The following HPGD variants were observed in gnomAD, a reference collection of about 807,000 sequenced individuals.
HPGD encodes 15-hydroxyprostaglandin dehydrogenase [NAD(+)].
HPGD carries 29 observed loss-of-function variants against 30.0 expected under a neutral mutation model. That is an observed-to-expected ratio of 0.97 (90% CI 0.72 to 1.32). The LOEUF is 1.32. HPGD is among the 40% of genes most tolerant of loss of function. HPGD has a pLI of 0.00. For missense variants in HPGD, 340 were observed against 322.1 expected (o/e 1.06, Z -0.43); for synonymous variants, 99 against 112.4 (o/e 0.88, Z 0.75).
rs1338007091 is a variant in HPGD, at chr4:174,508,809, A to G, written c.325-17T>C. On this transcript the variant is annotated splice_polypyrimidine_tract_variant and intron_variant, in intron 3 of 6. Coordinates refer to ENST00000296522, the MANE Select transcript of HPGD (RefSeq NM_000860.6). ...AACAGAAACCTAATCCAGAGGCATA[A>G]GTGAGAAAAGGAATACAGTCATTAT... 23 of 1,328,794 alleles carry G rather than the reference A, an allele frequency of 1.7e-5. No individual in the cohort carries two copies. The highest frequency in any genetic ancestry group is 2.4e-5 in the Non-Finnish European group (22 of 920,762). 82.3% of individuals were successfully genotyped at this position (1,328,794 alleles called of 1,614,324 possible). A position where few individuals can be genotyped will look rare whatever the true frequency, so the allele number is the denominator to read the frequency against.
chr4:174,522,412 C>T lies in HPGD; in HGVS notation c.40G>A (p.Ala14Thr). ...GCAAAGGCTCTGCCTATGCCCTGAGCCGCGCCGGTCACCAGCGCCACTTTG... is the reference window on the plus strand; with the variant it reads ...GCAAAGGCTCTGCCTATGCCCTGAGTCGCGCCGGTCACCAGCGCCACTTTG... ...NGKVALVTGA[A>T]QGIGRAFAEA... The change falls in exon 1 of 7, where the codon GCT becomes ACT. Residue 14 changes from alanine (A) to threonine (T), a missense_variant. Transcript: ENST00000296522. 2 of 1,583,630 alleles carry T rather than the reference C, an allele frequency of 1.3e-6. No homozygotes were observed. Among genetic ancestry groups the T allele is most frequent in the Admixed American group, 1.8e-5 (1 of 56,578 alleles).
At chr4:174,514,431 A>G (rs567883740) in intron 3 of HPGD, among the ~76,000 whole-genome samples, 43 of 152,304 alleles carry the variant, frequency 2.8e-4, no homozygotes, top group Admixed American at 5.2e-4. Context: ...AAGAACTGCA[A>G]GGAGGGTATC....
At chr4:174,504,417 G>C (rs1735069810) in intron 4 of HPGD, among the ~76,000 whole-genome samples, 1 of 152,128 alleles carries the variant, frequency 6.6e-6, no homozygotes, top group South Asian at 2.1e-4. Context: ...GAGTGACAGA[G>C]CATGTCCCTA....
At chr4:174,512,381 G>C (rs533434418) in intron 3 of HPGD, among the ~76,000 whole-genome samples, 53 of 152,212 alleles carry the variant, frequency 3.5e-4, no homozygotes, top group African/African-American at 1.2e-3. Context: ...AAACTGGTAA[G>C]CCCTATGAAA....
chr4:174,516,395 C>T (rs1735773594), intron 3 of HPGD, among the ~76,000 whole-genome samples: 1 of 152,112 alleles, frequency 6.6e-6, no homozygotes, highest in South Asian at 2.1e-4. Context: ...AACAGAAAAT[C>T]AAATACCTCA....
chr4:174,520,127 A>ATGTAT (rs1478179437), intron 2 of HPGD, among the ~76,000 whole-genome samples: 1 of 152,060 alleles, frequency 6.6e-6, no homozygotes, highest in Non-Finnish European at 1.5e-5. Context: ...GGTGTTAAAT[A>ATGTAT]TGTATGTCTA....
At chr4:174,507,883 T>C in intron 4 of HPGD, 1 of 480,580 alleles carries the variant, frequency 2.1e-6, no homozygotes, top group Admixed American at 3.3e-5. Flanking sequence ...AAAAGATGAT[T>C]AGCTGCCCTC....
At position 174,492,014 on chromosome 4, in the gene HPGD, G is replaced by A. The variant is rs1334942022; in HGVS notation, c.743C>T (p.Ser248Phe). The A allele has an allele frequency of 1.5e-5, 24 of 1,610,366 alleles. No individual in the cohort carries two copies. Among genetic ancestry groups the A allele is most frequent in the Non-Finnish European group, 1.9e-5 (22 of 1,177,086 alleles). ...ATAGTCTTGAAAATGAATTCCCTTA[G>A]AAGTTGTGATCTTCATAATAGCACC... ...LNGAIMKITT[S>F]KGIHFQDYDT... Residue 248 changes from serine (S) to phenylalanine (F), a missense_variant, in exon 7 of 7, where the codon TCT becomes TTT. By Grantham distance (155) the Ser-to-Phe change is radical. Transcript: ENST00000296522. The surrounding 1 kb of genome is among the most constrained non-coding windows in gnomAD (Gnocchi z 4.9).
chr4:174,498,610 T>C (rs1734756261), intron 4 of HPGD, among the ~76,000 whole-genome samples: 1 of 152,228 alleles, frequency 6.6e-6, no homozygotes, highest in Non-Finnish European at 1.5e-5. Flanking sequence ...TATTGTTGTC[T>C]GACTTTTCAC....
intron 4 of HPGD, among the ~76,000 whole-genome samples, chr4:174,505,993 A>G (rs138363200): frequency 2.3e-4 from 35 of 152,340 alleles, no homozygotes; most frequent in African/African-American, 7.5e-4. Flanking sequence ...TTATCACTGA[A>G]TTTATATCAA....
chr4:174,518,304 A>G (rs1374137735), intron 2 of HPGD, among the ~76,000 whole-genome samples: 1 of 152,212 alleles, frequency 6.6e-6, no homozygotes, highest in Non-Finnish European at 1.5e-5. Context: ...GACACCACAG[A>G]CTAACTGAAT....
intron 2 of HPGD, among the ~76,000 whole-genome samples, chr4:174,521,668 C>T (rs1022792687): frequency 2.6e-5 from 4 of 152,244 alleles, no homozygotes; most frequent in Admixed American, 2.6e-4. Context: ...TGCAGCAGCA[C>T]TGTCTTTGAA....
At position 174,491,988 on chromosome 4, in the gene HPGD, C is replaced by A; in HGVS notation, c.769G>T (p.Asp257Tyr). The change falls in exon 7 of 7, where the codon GAT becomes TAT. Residue 257 changes from aspartate to tyrosine, a missense_variant. Coordinates refer to ENST00000296522, the MANE Select transcript of HPGD (RefSeq NM_000860.6). Reference sequence around the variant, plus strand: ...GTTTTTGCTTGAAATGGAGTTGTATCATAGTCTTGAAAATGAATTCCCTTA... The same window carrying A: ...GTTTTTGCTTGAAATGGAGTTGTATAATAGTCTTGAAAATGAATTCCCTTA... ...TSKGIHFQDY[D>Y]TTPFQAKTQ 6.2e-7 allele frequency: 1 copy of A among 1,612,008 alleles called. No homozygotes were observed. The highest frequency in any genetic ancestry group is 8.5e-7 in the Non-Finnish European group (1 of 1,178,484).
chr4:174,501,323 G>C (rs563355284), intron 4 of HPGD, among the ~76,000 whole-genome samples: 1 of 152,134 alleles, frequency 6.6e-6, no homozygotes, highest in African/African-American at 2.4e-5. Context: ...AACATTAAGG[G>C]ATTTAAGAAT....
intron 4 of HPGD, among the ~76,000 whole-genome samples, chr4:174,497,842 C>G (rs1395514993): frequency 6.6e-6 from 1 of 151,798 alleles, no homozygotes; most frequent in East Asian, 1.9e-4. Flanking sequence ...TCCCAAAGTG[C>G]TGGGATTACA....
chr4:174,502,360 T>C (rs1579281625), intron 4 of HPGD, among the ~76,000 whole-genome samples: 1 of 152,162 alleles, frequency 6.6e-6, no homozygotes, highest in East Asian at 1.9e-4. Flanking sequence ...TAAGTTATGC[T>C]TTAGAGTGTG....
chr4:174,517,565 A>G (rs1316718469), intron 3 of HPGD, among the ~76,000 whole-genome samples: 2 of 152,202 alleles, frequency 1.3e-5, no homozygotes, highest in Non-Finnish European at 2.9e-5. Flanking sequence ...CTGTGTTCCA[A>G]TAAAACTTTA....
rs1298145107 is a variant in HPGD at position 174,493,248 on chromosome 4, C to G, written c.565G>C (p.Ala189Pro). The G allele has an allele frequency of 6.2e-7, 1 of 1,613,214 alleles. No individual in the cohort carries two copies. The highest frequency in any genetic ancestry group is 1.7e-5 in the Admixed American group (1 of 59,970). Reference sequence around the variant, plus strand: ...TCTTTTTCAATTGATTCAAGGATGGCTGTGTTAACAAAGCCTGGACAAATG... The same window carrying G: ...TCTTTTTCAATTGATTCAAGGATGGGTGTGTTAACAAAGCCTGGACAAATG... ...NAICPGFVNTAILESIEKEEN... is the reference protein window; with the variant it reads ...NAICPGFVNTPILESIEKEEN... The change falls in exon 6 of 7, where the codon GCC becomes CCC. Residue 189 changes from alanine (A) to proline (P), a missense_variant. Coordinates refer to ENST00000296522, the MANE Select transcript of HPGD (RefSeq NM_000860.6).
intron 3 of HPGD, among the ~76,000 whole-genome samples, chr4:174,514,003 A>T (rs1298885995): frequency 6.6e-6 from 1 of 152,106 alleles, no homozygotes; most frequent in Non-Finnish European, 1.5e-5. Context: ...TGAGAAATGA[A>T]CAGATCAAGG....
Sources: gnomAD v4.1 joint callset for allele counts (sites outside exome capture counted in the v4.1 genomes callset) on GRCh38, gnomAD v4.1.1 for gene constraint, Gnocchi (gnomAD v3.1) non-coding constraint, MANE v1.5 for transcripts, NCBI Gene and HGNC (gene_info 2026-07-23, HGNC 2026-07-21) for gene names.